The following OGDHL variants were observed in gnomAD, a reference collection of about 807,000 sequenced individuals.
The protein encoded by OGDHL is oxoglutarate dehydrogenase L.
In OGDHL, 79 loss-of-function variants were observed where a neutral mutation model predicts 109.6. That is an observed-to-expected ratio of 0.72 (90% confidence interval 0.60 to 0.87). The LOEUF is 0.87. Among genes scored for constraint, OGDHL ranks in the 40% least tolerant of loss-of-function variants. The pLI is 0.00. For synonymous variants in OGDHL, 528 were observed against 537.2 expected (o/e 0.98, Z 0.24); for missense variants, 1,275 against 1,362.2 (o/e 0.94, Z 1.01).
Position 49,736,407 on chromosome 10 carries a change from G to A in OGDHL, c.2704C>T (p.Arg902Trp), listed in dbSNP as rs749257786. 25 of 1,613,998 alleles carry A rather than the reference G, an allele frequency of 1.5e-5. No individual in the cohort carries two copies. The highest frequency in any genetic ancestry group is 1.4e-4 in the South Asian group (13 of 91,090). ...TTCTCCTCCAGGTCCTGGCTGCTCCGCTCCTTCACCAGGTCATAGTACACC... is the reference window on the plus strand; with the variant it reads ...TTCTCCTCCAGGTCCTGGCTGCTCCACTCCTTCACCAGGTCATAGTACACC... ...GKVYYDLVKE[R>W]SSQDLEEKVA... is the part of the protein sequence containing the mutation. The change falls in exon 21 of 23, where the codon CGG becomes TGG. Residue 902 changes from arginine to tryptophan, a missense_variant. By Grantham distance (101) the Arg-to-Trp change is moderately radical. Coordinates refer to ENST00000374103, the MANE Select transcript of OGDHL (RefSeq NM_018245.3).
In OGDHL at chr10:49,737,822, G is replaced by C. The variant is rs2132944661; in HGVS notation, c.2554C>G (p.Pro852Ala). The change falls in exon 20 of 23, where the codon CCA becomes GCA. Residue 852 changes from proline to alanine, a missense_variant. Pro to Ala is a conservative substitution (Grantham distance 27). Coordinates refer to ENST00000374103, the MANE Select transcript of OGDHL (RefSeq NM_018245.3). ...TGGTCAAAGCTGGACTTGGCCTCTG[G>C]GTGCCTCAGCAGAGATTTAGGTGTG... ...IFTPKSLLRH[P>A]EAKSSFDQMV... 2 of 1,614,198 alleles carry C rather than the reference G, an allele frequency of 1.2e-6. No individual in the cohort carries two copies.
At chr10:49,759,824 G>A (rs1041986836) in intron 1 of OGDHL, among the ~76,000 whole-genome samples, 3 of 152,200 alleles carry the variant, frequency 2.0e-5, no homozygotes, top group Non-Finnish European at 2.9e-5. Context: ...TCGCCCAGGC[G>A]GGAGGAGTCC....
At chr10:49,754,646 C>A (rs1842809130) in intron 3 of OGDHL, among the ~76,000 whole-genome samples, 1 of 149,882 alleles carries the variant, frequency 6.7e-6, no homozygotes, top group African/African-American at 2.5e-5. Context: ...GCTCAAGTGC[C>A]ATCACCATCA....
At chr10:49,754,609 G>A (rs1564556698) in intron 3 of OGDHL, among the ~76,000 whole-genome samples, 1 of 151,720 alleles carries the variant, frequency 6.6e-6, no homozygotes, top group Non-Finnish European at 1.5e-5. Flanking sequence ...AATGGATCTA[G>A]GAAATCACTA....
At chr10:49,746,630 C>G in intron 10 of OGDHL, 120 bp downstream of exon 10, 1 of 1,333,436 alleles carries the variant, frequency 7.5e-7, no homozygotes, top group Non-Finnish European at 1.0e-6. Flanking sequence ...AGGGTCCTGC[C>G]TGGTAAGCAG....
chr10:49,750,448 CCT>C (rs1175626581), intron 7 of OGDHL, among the ~76,000 whole-genome samples: 1 of 152,204 alleles, frequency 6.6e-6, no homozygotes. Context: ...CACAGACCTC[CCT>C]GTTGGGGACA....
Position 49,740,730 on chromosome 10 carries a change from A to G in OGDHL, c.2120T>C (p.Leu707Pro), listed in dbSNP as rs765161391. 1.9e-6 allele frequency: 3 copies of G among 1,613,672 alleles called. No homozygotes were observed. The highest frequency in any genetic ancestry group is 2.5e-6 in the Non-Finnish European group (3 of 1,179,724). Reference sequence around the variant, plus strand: ...CCCACCCAGGACTCCGTACTCCGAGAGGGAGCTGTTGCACACGGTGTACGG... The same window carrying G: ...CCCACCCAGGACTCCGTACTCCGAGGGGGAGCTGTTGCACACGGTGTACGG... ...QAPYTVCNSS[L>P]SEYGVLGFEL... The change falls in exon 16 of 23, where the codon CTC (leucine) becomes CCC (proline). Residue 707 changes from leucine to proline, a missense_variant. Transcript: ENST00000374103.
intron 17 of OGDHL, 89 bp from the exon 18 acceptor site, chr10:49,738,351 T>C (rs1841378965): frequency 7.0e-7 from 1 of 1,425,420 alleles, no homozygotes; most frequent in Non-Finnish European, 9.8e-7. Flanking sequence ...GGGGAAAGTC[T>C]GGAGGGCTTC....
At chr10:49,740,895 C>G in intron 15 of OGDHL, 58 bp from the exon 16 acceptor site, 5 of 1,605,502 alleles carry the variant, frequency 3.1e-6, no homozygotes, top group Non-Finnish European at 4.3e-6. Context: ...ACCTGTTCAC[C>G]TGGAGCAGGG....
intron 20 of OGDHL, among the ~76,000 whole-genome samples, 168 bp downstream of exon 20, chr10:49,737,618 A>G (rs1841296244): frequency 6.6e-6 from 1 of 152,058 alleles, no homozygotes; most frequent in Non-Finnish European, 1.5e-5. Context: ...CAGGTCAGCC[A>G]TTGTGCCAAC....
At chr10:49,750,284 C>T (rs1280350838) in intron 7 of OGDHL, among the ~76,000 whole-genome samples, 1 of 152,224 alleles carries the variant, frequency 6.6e-6, no homozygotes, top group Non-Finnish European at 1.5e-5. Flanking sequence ...CCACAGACGT[C>T]TCTGTCCCCC....
In OGDHL at chr10:49,750,945, G is replaced by A. The variant is rs538198140; in HGVS notation, c.790C>T (p.Arg264Trp). ...ACTTCACAGCCCTCCAGGCCAAACCGCTTCTCTGAGGACCATTTCCGGGCC... is the reference window on the plus strand; with the variant it reads ...ACTTCACAGCCCTCCAGGCCAAACCACTTCTCTGAGGACCATTTCCGGGCC... ...FLARKWSSEK[R>W]FGLEGCEVMI... The change falls in exon 7 of 23, where the codon CGG becomes TGG. Residue 264 changes from arginine (R) to tryptophan (W), a missense_variant. Transcript: ENST00000374103. 1.4e-5 allele frequency: 22 copies of A among 1,610,138 alleles called. No individual in the cohort carries two copies. Among genetic ancestry groups the A allele is most frequent in the Admixed American group, 1.2e-4 (7 of 59,670 alleles).
rs1347215420 is a variant in OGDHL, at chr10:49,745,361, T to C, written c.1612A>G (p.Thr538Ala). ...CTGCCCACCTCAAACTCCTGCAGGG[T>C]GACTGTGCCCTCGGCAATCAGCTTG... ...ADKLIAEGTV[T>A]LQEFEEEIAK... is the part of the protein sequence containing the mutation. The change falls in exon 12 of 23, where the codon ACC becomes GCC. Residue 538 changes from threonine (T) to alanine (A), a missense_variant. Physicochemically the swap from Thr to Ala is moderately conservative, Grantham distance 58 (BLOSUM62 0). Transcript: ENST00000374103. 8 of 1,613,920 alleles carry C rather than the reference T, an allele frequency of 5.0e-6. No individual in the cohort carries two copies. Among genetic ancestry groups the C allele is most frequent in the Non-Finnish European group, 6.8e-6 (8 of 1,180,018 alleles).
chr10:49,760,680 G>C (rs1843216474), intron 1 of OGDHL, among the ~76,000 whole-genome samples: 1 of 152,200 alleles, frequency 6.6e-6, no homozygotes, highest in Non-Finnish European at 1.5e-5. Context: ...ACATCCCATG[G>C]GGTGGGCACT....
chr10:49,758,625 T>C lies in OGDHL; in HGVS notation c.-1-32A>G, dbSNP rs1026187075. 3.1e-6 allele frequency: 5 copies of C among 1,606,328 alleles called. No homozygotes were observed. The African/African-American group carries it at 5.4e-5, about 17-fold the overall frequency. On this transcript the variant is annotated intron_variant, in intron 1 of 22. Transcript: ENST00000374103. ...ACAGGCAATGAAGGAGAGGCATAAA[T>C]GGCAGGACCAAGACAGGAAGAGGCT...
At chr10:49,739,553 G>A (rs1474167525) in intron 17 of OGDHL, 108 bp downstream of exon 17, 2 of 1,351,452 alleles carry the variant, frequency 1.5e-6, no homozygotes. Context: ...TGCTCCAGGG[G>A]CCTGGAAGGC....
rs1297027300 is a variant in OGDHL at position 49,745,365 on chromosome 10, T to C, written c.1608A>G (p.Thr536=). 1.7e-5 allele frequency: 27 copies of C among 1,613,850 alleles called. No homozygotes were observed. The highest frequency in any genetic ancestry group is 2.1e-5 in the Non-Finnish European group (25 of 1,180,034). Residue 536 remains threonine (T), a synonymous_variant, in exon 12 of 23, where the codon ACA becomes ACG. Transcript: ENST00000374103. ...CCACCTCAAACTCCTGCAGGGTGAC[T>C]GTGCCCTCGGCAATCAGCTTGTCTG... The part of the protein sequence containing the change: ...KYADKLIAEG[T]VTLQEFEEEI...
chr10:49,746,344 C>A (rs893689683), intron 10 of OGDHL, among the ~76,000 whole-genome samples: 3 of 152,208 alleles, frequency 2.0e-5, no homozygotes, highest in African/African-American at 7.2e-5. Flanking sequence ...TAAATTCCCA[C>A]CTCACAGGAT....
At chr10:49,751,122 A>C (rs1182306410) in intron 6 of OGDHL, 137 bp from the exon 7 acceptor site, 1 of 810,278 alleles carries the variant, frequency 1.2e-6, no homozygotes, top group Non-Finnish European at 1.9e-6. Flanking sequence ...TTCCACCTAC[A>C]TGGTCCAGGG....
Sources: gnomAD v4.1 joint callset for allele counts (sites outside exome capture counted in the v4.1 genomes callset) on GRCh38, gnomAD v4.1.1 for gene constraint, MANE v1.5 for transcripts, NCBI Gene and HGNC (gene_info 2026-07-23, HGNC 2026-07-21) for gene names.